The following LRRC37A2 variants were observed in gnomAD, a reference collection of about 807,000 sequenced individuals.
The protein encoded by LRRC37A2 is leucine rich repeat containing 37 member A2, also known as leucine-rich repeat-containing protein 37A2.
Under a neutral mutation model 68.8 loss-of-function variants are expected in LRRC37A2, and 9 were observed. That is an observed-to-expected ratio of 0.13 (90% CI 0.08 to 0.23). The LOEUF (loss-of-function observed/expected upper bound fraction) is 0.23. Among genes scored for constraint, LRRC37A2 ranks in the 10% least tolerant of loss-of-function variants. LRRC37A2 has a pLI of 1.00. For missense variants in LRRC37A2, 168 were observed against 950.4 expected, an observed-to-expected ratio of 0.18 and a Z score of 10.82; for synonymous variants, 63 against 367.6, an observed-to-expected ratio of 0.17 and a Z score of 9.48.
chr17:46,974,987 CTTTTTT>C, the LRRC37A2 span, among the ~76,000 whole-genome samples: 249 of 119,056 alleles, frequency 2.1e-3, 1 homozygote, highest in African/African-American at 7.8e-3. Context: ...TTACTATTTT[CTTTTTT>C]TTTTTTTTTT....
the LRRC37A2 span, chr17:47,028,209 A>T: frequency 9.7e-7 from 1 of 1,031,190 alleles, no homozygotes; most frequent in Non-Finnish European, 1.5e-6. Flanking sequence ...TATAAATTAG[A>T]ATCATGGCAA....
chr17:46,746,004 A>G, the LRRC37A2 span, among the ~76,000 whole-genome samples: 1 of 152,250 alleles, frequency 6.6e-6, no homozygotes, highest in African/African-American at 2.4e-5. Context: ...CAACTCATGT[A>G]TCATCTCCTC....
chr17:46,884,346 G>T, the LRRC37A2 span, among the ~76,000 whole-genome samples: 1 of 152,110 alleles, frequency 6.6e-6, no homozygotes, highest in Non-Finnish European at 1.5e-5. Flanking sequence ...TCAGAGCTGC[G>T]CAGGTGTTGC....
the LRRC37A2 span, among the ~76,000 whole-genome samples, chr17:46,903,919 G>A: frequency 6.6e-6 from 1 of 151,924 alleles, no homozygotes; most frequent in Non-Finnish European, 1.5e-5. Context: ...TGTATGAATG[G>A]GTGGTCGGGT....
chr17:46,930,344 G>T, the LRRC37A2 span: 1 of 152,288 alleles, frequency 6.6e-6, no homozygotes, highest in Non-Finnish European at 1.5e-5. Context: ...TTTCTTTTGT[G>T]CACAGTTTAG....
the LRRC37A2 span, among the ~76,000 whole-genome samples, chr17:46,838,408 C>T: frequency 2.0e-5 from 3 of 151,946 alleles, no homozygotes; most frequent in Non-Finnish European, 4.4e-5. Context: ...AGGAGGATCA[C>T]CTGAACCCAG....
chr17:46,820,340 G>C, the LRRC37A2 span, among the ~76,000 whole-genome samples: 1 of 152,166 alleles, frequency 6.6e-6, no homozygotes, highest in Non-Finnish European at 1.5e-5. Flanking sequence ...GAGGTTGAAA[G>C]AGAGGAAGGA....
the LRRC37A2 span, among the ~76,000 whole-genome samples, chr17:46,814,703 C>T: frequency 6.6e-6 from 1 of 152,226 alleles, no homozygotes; most frequent in African/African-American, 2.4e-5. Flanking sequence ...TAACACCTGG[C>T]CTGGGGCCTT....
the LRRC37A2 span, among the ~76,000 whole-genome samples, chr17:46,960,931 T>C: frequency 6.6e-6 from 1 of 152,192 alleles, no homozygotes; most frequent in East Asian, 1.9e-4. Flanking sequence ...ACTCTAAGTA[T>C]TTGTCAAAAT....
At chr17:46,823,187 A>ATT in the LRRC37A2 span, among the ~76,000 whole-genome samples, 1 of 128,620 alleles carries the variant, frequency 7.8e-6, no homozygotes, top group Non-Finnish European at 1.5e-5. Context: ...TATATAATAT[A>ATT]TTATATATAT....
the LRRC37A2 span, chr17:46,935,893 G>A: frequency 1.0e-6 from 1 of 985,820 alleles, no homozygotes. Flanking sequence ...GGTTCTGTCT[G>A]TTATCAGGGT....
the LRRC37A2 span, chr17:46,940,237 G>C: frequency 7.0e-7 from 1 of 1,421,686 alleles, no homozygotes; most frequent in South Asian, 1.6e-5. Flanking sequence ...TTTCCTGGAT[G>C]CTAATTTCAC....
At chr17:46,879,255 C>A in the LRRC37A2 span, among the ~76,000 whole-genome samples, 1 of 152,110 alleles carries the variant, frequency 6.6e-6, no homozygotes, top group Non-Finnish European at 1.5e-5. Context: ...CTGACCGGGT[C>A]CCCCACTGAG....
chr17:46,787,816 C>T, the LRRC37A2 span, among the ~76,000 whole-genome samples: 11 of 152,106 alleles, frequency 7.2e-5, no homozygotes, highest in East Asian at 3.8e-4. Flanking sequence ...ATTAACCAGG[C>T]GTGGTGGTGG....
chr17:47,024,466 T>A, the LRRC37A2 span, among the ~76,000 whole-genome samples: 3 of 151,732 alleles, frequency 2.0e-5, no homozygotes, highest in African/African-American at 7.3e-5. Context: ...TGGGTAGGGG[T>A]GTGCTTGAGT....
the LRRC37A2 span, among the ~76,000 whole-genome samples, chr17:46,759,906 G>C: frequency 6.6e-6 from 1 of 152,260 alleles, no homozygotes; most frequent in South Asian, 2.1e-4. Context: ...TTAGACGTTT[G>C]TAAGTACTTA....
the LRRC37A2 span, among the ~76,000 whole-genome samples, chr17:46,791,077 T>C: frequency 1.1e-4 from 16 of 152,254 alleles, no homozygotes; most frequent in South Asian, 1.0e-3. Flanking sequence ...GGAAGTTCTG[T>C]CTGCAAAGGT....
the LRRC37A2 span, among the ~76,000 whole-genome samples, chr17:46,880,404 C>T: frequency 5.9e-5 from 9 of 152,216 alleles, no homozygotes; most frequent in African/African-American, 2.2e-4. Flanking sequence ...TCCATTTATT[C>T]AACCAATGAT....
the LRRC37A2 span, among the ~76,000 whole-genome samples, chr17:46,440,405 T>A: frequency 2.5e-5 from 2 of 79,972 alleles, no homozygotes; most frequent in African/African-American, 7.0e-5. Flanking sequence ...TTATTTTTTT[T>A]TTTTTTGGCG....
Sources: allele counts gnomAD v4.1 joint callset (sites outside exome capture counted in the v4.1 genomes callset), GRCh38; gene constraint gnomAD v4.1.1; transcripts MANE v1.5; gene names NCBI Gene and HGNC (gene_info 2026-07-23, HGNC 2026-07-21).